The following MCF2L2 variants were observed in gnomAD, a reference collection of about 807,000 sequenced individuals.
MCF2L2 encodes probable guanine nucleotide exchange factor MCF2L2.
A neutral mutation model predicts 150.2 loss-of-function variants in MCF2L2; 102 were observed. That is an observed-to-expected ratio of 0.68 (90% CI 0.58 to 0.80). The LOEUF (loss-of-function observed/expected upper bound fraction) is 0.80. Among genes scored for constraint, MCF2L2 ranks in the 30% least tolerant of loss-of-function variants. The pLI, the probability that MCF2L2 is intolerant of heterozygous loss-of-function variation, is 0.00. For synonymous variants in MCF2L2, 465 were observed against 491.3 expected, an observed-to-expected ratio of 0.95 and a Z score of 0.71; for missense variants, 1,256 against 1,372.8, an observed-to-expected ratio of 0.91 and a Z score of 1.34.
intron 10 of MCF2L2, among the ~76,000 whole-genome samples, chr3:183,304,265 T>C (rs1234729505): frequency 6.6e-6 from 1 of 152,214 alleles, no homozygotes; most frequent in Admixed American, 6.5e-5. Context: ...GCATGCTGCA[T>C]CTTAGGTACT....
At chr3:183,250,726 A>G (rs1724481286) in intron 15 of MCF2L2, among the ~76,000 whole-genome samples, 1 of 152,200 alleles carries the variant, frequency 6.6e-6, no homozygotes, top group South Asian at 2.1e-4. Context: ...GGGCAGAGAA[A>G]GAGGCGGCGG....
chr3:183,382,802 G>C (rs1055543038), intron 2 of MCF2L2, among the ~76,000 whole-genome samples: 1 of 152,100 alleles, frequency 6.6e-6, no homozygotes, highest in African/African-American at 2.4e-5. Flanking sequence ...TAAGCGCTTG[G>C]GGTACATAAG....
intron 18 of MCF2L2, chr3:183,225,628 T>C (rs1479849681): frequency 6.6e-6 from 1 of 152,238 alleles, no homozygotes; most frequent in East Asian, 1.9e-4. Flanking sequence ...ACAAATCATA[T>C]GGCCTAAAGT....
intron 1 of MCF2L2, among the ~76,000 whole-genome samples, chr3:183,427,433 A>T (rs999738411): frequency 6.6e-6 from 1 of 152,182 alleles, no homozygotes; most frequent in South Asian, 2.1e-4. Flanking sequence ...CGAGCTGCGC[A>T]GGGGCGCTCC....
At chr3:183,427,558 A>G (rs866255550) in intron 1 of MCF2L2, among the ~76,000 whole-genome samples, 13 of 152,164 alleles carry the variant, frequency 8.5e-5, no homozygotes, top group Non-Finnish European at 1.3e-4. Flanking sequence ...CTTTCTCACT[A>G]TCCCCAAAAC....
chr3:183,271,496 G>A (rs1017762722), intron 15 of MCF2L2: 12 of 167,062 alleles, frequency 7.2e-5, no homozygotes, highest in African/African-American at 1.7e-4. Context: ...GACAAATCAC[G>A]TCTTACCACA....
At chr3:183,282,248 A>G (rs562545532) in intron 14 of MCF2L2, among the ~76,000 whole-genome samples, 12 of 151,626 alleles carry the variant, frequency 7.9e-5, no homozygotes, top group South Asian at 2.1e-4. Context: ...GTGCAATCTC[A>G]GCTCACTGCA....
chr3:183,411,536 T>C (rs980547060), intron 1 of MCF2L2, among the ~76,000 whole-genome samples: 1 of 152,104 alleles, frequency 6.6e-6, no homozygotes, highest in African/African-American at 2.4e-5. Context: ...TCCTCAATGA[T>C]TTCAAGTATC....
intron 11 of MCF2L2, chr3:183,299,716 C>T (rs943579652): frequency 5.8e-6 from 2 of 347,554 alleles, no homozygotes; most frequent in South Asian, 3.3e-5. Flanking sequence ...GAAGTGTTCC[C>T]ACAGGGCCAA....
At chr3:183,224,254 T>G (rs1388752089) in intron 18 of MCF2L2, 64 bp from the exon 19 acceptor site, 5 of 1,031,314 alleles carry the variant, frequency 4.8e-6, no homozygotes, top group Non-Finnish European at 6.1e-6. Flanking sequence ...GACAGGATGA[T>G]ACAGTTTATT....
chr3:183,212,788 G>C (rs2108652813), intron 22 of MCF2L2, among the ~76,000 whole-genome samples: 1 of 152,180 alleles, frequency 6.6e-6, no homozygotes, highest in South Asian at 2.1e-4. Flanking sequence ...ATAGTCAGGG[G>C]CAAAGAGGTA....
chr3:183,295,598 C>A (rs1258284943), intron 12 of MCF2L2, 121 bp from the exon 13 acceptor site: 3 of 908,988 alleles, frequency 3.3e-6, no homozygotes, highest in Non-Finnish European at 3.4e-6. Flanking sequence ...TCAGGTGACC[C>A]CCTCTGGGCA....
At chr3:183,314,919 T>C (rs144307901) in intron 7 of MCF2L2, among the ~76,000 whole-genome samples, 12 of 680 alleles carry the variant, frequency 0.018, 1 homozygote, top group Admixed American at 0.062. Context: ...TTTTTTTTTT[T>C]TTTTTTTTTT....
rs748325325 is a variant in MCF2L2, at chr3:183,270,137, T to C, written c.1862+6735A>G. On this transcript the variant is annotated intron_variant, in intron 15 of 29. Transcript: ENST00000328913. The surrounding 1 kb of genome is among the most constrained non-coding windows in gnomAD (Gnocchi z 4.5). ...CCGGAATTAGAAGGACGTGGGGCAA[T>C]GAAAATTATGTTCGGTCTCAGCTGA... 8.7e-6 allele frequency: 14 copies of C among 1,614,104 alleles called. No homozygotes were observed. Among genetic ancestry groups the C allele is most frequent in the Non-Finnish European group, 1.1e-5 (13 of 1,180,016 alleles).
In MCF2L2 at chr3:183,297,067, G is replaced by C. The variant is rs138279265; in HGVS notation, c.1406C>G (p.Ala469Gly). ...EGVDIALNDI[A>G]TFLGTVKEYP... The stretch of plus-strand genomic sequence containing the variant: ...CTCCTTGACTGTGCCCAGGAATGTC[G>C]CAATGTCGTTCAAGGCGATATCAAC... Residue 469 changes from alanine (A) to glycine (G), a missense_variant, in exon 12 of 30, where the codon GCG (alanine) becomes GGG (glycine). Coordinates refer to ENST00000328913, the MANE Select transcript of MCF2L2 (RefSeq NM_015078.4). 12 of 1,614,036 alleles carry C rather than the reference G, an allele frequency of 7.4e-6. No individual in the cohort carries two copies. The highest frequency in any genetic ancestry group is 6.6e-5 in the South Asian group (6 of 91,090).
intron 9 of MCF2L2, chr3:183,310,507 A>C: frequency 3.7e-6 from 1 of 273,196 alleles, no homozygotes; most frequent in Non-Finnish European, 7.3e-6. Flanking sequence ...AACTCAAAAA[A>C]AAAATTACCG....
At chr3:183,342,983 GC>G (rs1730761943) in intron 3 of MCF2L2, among the ~76,000 whole-genome samples, 2 of 152,094 alleles carry the variant, frequency 1.3e-5, no homozygotes, top group Non-Finnish European at 2.9e-5. Context: ...GATTCTCACA[GC>G]CCCATACTGA....
At chr3:183,327,843 G>C (rs770483212) in intron 5 of MCF2L2, among the ~76,000 whole-genome samples, 7 of 152,324 alleles carry the variant, frequency 4.6e-5, no homozygotes, top group Middle Eastern at 3.4e-3. Flanking sequence ...TTCAGTCTTT[G>C]TCCCTGGTTC....
chr3:183,335,817 A>G lies in MCF2L2; in HGVS notation c.486+2983T>C, dbSNP rs1007091170. 2.3e-4 allele frequency among the ~76,000 whole-genome samples: 35 copies of G among 152,286 alleles called. 1 individual carries two copies. The highest frequency in any genetic ancestry group is 1.3e-4 in the Non-Finnish European group (9 of 68,016). ...GAGGCTGCAGTGAGCTATGATCCTAAGCTATTGCACTCTAGCCTGGGTGAC... is the reference window on the plus strand; with the variant it reads ...GAGGCTGCAGTGAGCTATGATCCTAGGCTATTGCACTCTAGCCTGGGTGAC... On this transcript the variant is annotated intron_variant, in intron 5 of 29. Transcript: ENST00000328913.
Sources: gnomAD v4.1 joint callset for allele counts (sites outside exome capture counted in the v4.1 genomes callset) on GRCh38, gnomAD v4.1.1 for gene constraint, Gnocchi (gnomAD v3.1) non-coding constraint, MANE v1.5 for transcripts, NCBI Gene and HGNC (gene_info 2026-07-23, HGNC 2026-07-21) for gene names.